Variants in UST observed in about 807,000 individuals in gnomAD.
UST encodes chondroitin sulfate 2-O-sulfotransferase.
Under a neutral mutation model 45.6 loss-of-function variants are expected in UST, and 21 were observed. The observed-to-expected ratio is 0.46, with a 90% confidence interval of 0.33 to 0.66. The LOEUF is 0.66. UST is among the 30% of genes least tolerant of loss of function. The pLI is 0.02. For synonymous variants in UST, 215 were observed against 200.6 expected (o/e 1.07, Z -0.61); for missense variants, 463 against 512.4 (o/e 0.90, Z 0.93).
intron 1 of UST, among the ~76,000 whole-genome samples, chr6:148,762,058 A>G (rs1366641208): frequency 6.6e-6 from 1 of 152,200 alleles, no homozygotes; most frequent in Non-Finnish European, 1.5e-5. Flanking sequence ...TCCCAACTCA[A>G]AAGGCTGTTC....
chr6:149,012,675 G>T (rs1483118411), intron 5 of UST, among the ~76,000 whole-genome samples: 1 of 152,078 alleles, frequency 6.6e-6, no homozygotes, highest in African/African-American at 2.4e-5. Context: ...TTCCACAGTG[G>T]TATATTTTGC....
chr6:149,014,203 GCC>G (rs1775861364), intron 5 of UST, among the ~76,000 whole-genome samples: 1 of 152,204 alleles, frequency 6.6e-6, no homozygotes, highest in Non-Finnish European at 1.5e-5. Flanking sequence ...TCTAGAGCAA[GCC>G]CTCATGTGGG....
intron 7 of UST, among the ~76,000 whole-genome samples, chr6:149,035,408 G>C (rs1438517143): frequency 2.6e-5 from 4 of 152,082 alleles, no homozygotes. Flanking sequence ...TCAGTCTGAA[G>C]GCTTTCCTCT....
At chr6:148,945,866 C>T (rs1246379625) in intron 3 of UST, among the ~76,000 whole-genome samples, 1 of 152,162 alleles carries the variant, frequency 6.6e-6, no homozygotes, top group African/African-American at 2.4e-5. Flanking sequence ...CCAGTTGTAA[C>T]AGTAAAGGCT....
intron 7 of UST, among the ~76,000 whole-genome samples, chr6:149,052,543 A>T (rs1253777520): frequency 2.0e-5 from 3 of 152,164 alleles, no homozygotes; most frequent in African/African-American, 7.2e-5. Flanking sequence ...TTGAACATTC[A>T]ACCCAGGCCC....
chr6:148,879,414 T>C (rs141772075), intron 1 of UST, among the ~76,000 whole-genome samples: 103 of 152,392 alleles, frequency 6.8e-4, no homozygotes, highest in African/African-American at 2.0e-3. Context: ...GCCTGGATTA[T>C]GAAGTACATG....
chr6:148,760,370 C>T (rs975466239), intron 1 of UST, among the ~76,000 whole-genome samples: 2 of 152,196 alleles, frequency 1.3e-5, no homozygotes, highest in African/African-American at 4.8e-5. Context: ...CTGCTACTGA[C>T]CATCCCATTT....
chr6:148,894,157 G>T (rs1246474895), intron 2 of UST, among the ~76,000 whole-genome samples: 1 of 152,184 alleles, frequency 6.6e-6, no homozygotes, highest in African/African-American at 2.4e-5. Flanking sequence ...AAAGATGATA[G>T]GCAGTGGAGT....
chr6:148,772,334 C>T (rs1384105791), intron 1 of UST, among the ~76,000 whole-genome samples: 1 of 151,844 alleles, frequency 6.6e-6, no homozygotes, highest in African/African-American at 2.4e-5. Flanking sequence ...AGGAGCCAGG[C>T]GATGTGCTGG....
chr6:148,831,467 G>A (rs1018102806), intron 1 of UST, among the ~76,000 whole-genome samples: 3 of 152,052 alleles, frequency 2.0e-5, no homozygotes, highest in African/African-American at 7.2e-5. Flanking sequence ...ATCACTTATA[G>A]AATCCCTTCT....
intron 4 of UST, among the ~76,000 whole-genome samples, chr6:148,961,021 C>T (rs201325691): frequency 1.3e-5 from 2 of 152,112 alleles, no homozygotes; most frequent in East Asian, 3.9e-4. Context: ...TGAAAATGCT[C>T]AGAATGAGGT....
At chr6:148,898,835 CA>C in intron 2 of UST, among the ~76,000 whole-genome samples, 1 of 152,314 alleles carries the variant, frequency 6.6e-6, no homozygotes, top group East Asian at 1.9e-4. Context: ...AGACCAGCCT[CA>C]GTTACAAAAT....
At chr6:148,797,451 A>T (rs1349948015) in intron 1 of UST, among the ~76,000 whole-genome samples, 4 of 152,258 alleles carry the variant, frequency 2.6e-5, no homozygotes, top group Non-Finnish European at 4.4e-5. Context: ...GTCAAAAAAC[A>T]TTCCTAATAT....
intron 1 of UST, among the ~76,000 whole-genome samples, chr6:148,799,929 C>T (rs1372451900): frequency 6.6e-6 from 1 of 152,176 alleles, no homozygotes; most frequent in Non-Finnish European, 1.5e-5. Flanking sequence ...CCCTCTCGCC[C>T]TCTTTCTCTC....
intron 5 of UST, among the ~76,000 whole-genome samples, chr6:148,966,161 T>TTGCAG (rs1780792681): frequency 6.6e-6 from 1 of 151,862 alleles, no homozygotes; most frequent in Non-Finnish European, 1.5e-5. Flanking sequence ...GAGGCAGAGG[T>TTGCAG]TGCAGTGAGC....
chr6:148,971,519 T>C (rs979363886), intron 5 of UST, among the ~76,000 whole-genome samples: 19 of 152,068 alleles, frequency 1.2e-4, no homozygotes, highest in African/African-American at 4.3e-4. Context: ...TGTCCAGGCA[T>C]TGAATGGGGC....
chr6:149,059,443 A>G (rs1296743629), intron 7 of UST, among the ~76,000 whole-genome samples: 1 of 152,138 alleles, frequency 6.6e-6, no homozygotes, highest in Non-Finnish European at 1.5e-5. Context: ...CCTCCTTGTG[A>G]TCCCCCTTTC....
At chr6:149,017,799 T>TATATATATATATATAC (rs956279478) in intron 5 of UST, among the ~76,000 whole-genome samples, 18 of 148,914 alleles carry the variant, frequency 1.2e-4, no homozygotes, top group African/African-American at 4.4e-4. Context: ...TATCCATATA[T>TATATATATATATATAC]ACACACACAC....
intron 4 of UST, among the ~76,000 whole-genome samples, chr6:148,963,568 T>A (rs6570918): frequency 0.35 from 53,932 of 152,096 alleles, 9,589 homozygotes; most frequent in Middle Eastern, 0.43. Flanking sequence ...GGCTATTTGC[T>A]TTATTTTTAT....
Sources: allele counts gnomAD v4.1 joint callset (sites outside exome capture counted in the v4.1 genomes callset), GRCh38; gene constraint gnomAD v4.1.1; transcripts MANE v1.5; gene names NCBI Gene and HGNC (gene_info 2026-07-23, HGNC 2026-07-21).